Variants in UGGT2 observed in about 807,000 individuals in gnomAD.
The protein encoded by UGGT2 is UDP-glucose:glycoprotein glucosyltransferase 2.
A neutral mutation model predicts 192.1 loss-of-function variants in UGGT2; 180 were observed. The observed-to-expected ratio is 0.94, with a 90% CI of 0.83 to 1.06. The LOEUF (loss-of-function observed/expected upper bound fraction) is 1.06, where lower values mean the gene tolerates loss of function less well. Among genes scored for constraint, UGGT2 ranks in the 50% least tolerant of loss-of-function variants. UGGT2 has a pLI of 0.00. For synonymous variants in UGGT2, 580 were observed against 591.0 expected, an observed-to-expected ratio of 0.98 and a Z score of 0.27; for missense variants, 1,849 against 1,795.7, an observed-to-expected ratio of 1.03 and a Z score of -0.54.
chr13:95,971,117 TG>T (rs540087902), intron 11 of UGGT2, among the ~76,000 whole-genome samples: 10 of 152,294 alleles, frequency 6.6e-5, no homozygotes, highest in African/African-American at 1.7e-4. Context: ...GGGCCATGTA[TG>T]GGGCATGTTA....
Position 95,936,954 on chromosome 13 carries a change from T to C in UGGT2, c.1947A>G (p.Ala649=), listed in dbSNP as rs780779482. The C allele has an allele frequency of 1.3e-6, 2 of 1,589,402 alleles. No homozygotes were observed. The highest frequency in any genetic ancestry group is 1.7e-6 in the Non-Finnish European group (2 of 1,174,014). ...AAACTTCTCTTTGTAAATATACAGA[T>C]GCATCCATCATTCTTTGAAGAACAG... ...KMAVLQRMMD[A]SVYLQREVFL... Residue 649 remains alanine (A), a synonymous_variant, in exon 17 of 39, where the codon GCA becomes GCG. Coordinates refer to ENST00000376747, the MANE Select transcript of UGGT2 (RefSeq NM_020121.4).
At chr13:96,027,675 G>C (rs1484108828) in intron 2 of UGGT2, among the ~76,000 whole-genome samples, 1 of 152,128 alleles carries the variant, frequency 6.6e-6, no homozygotes, top group Non-Finnish European at 1.5e-5. Flanking sequence ...GACATTTTGG[G>C]GGTGGTTGGA....
At chr13:96,019,988 T>C (rs1013281735) in intron 4 of UGGT2, among the ~76,000 whole-genome samples, 1 of 152,216 alleles carries the variant, frequency 6.6e-6, no homozygotes, top group Non-Finnish European at 1.5e-5. Context: ...GAGGGCCCTT[T>C]TGAGCCAGTG....
intron 1 of UGGT2, among the ~76,000 whole-genome samples, chr13:96,050,492 A>T (rs1233793375): frequency 6.6e-6 from 1 of 152,218 alleles, no homozygotes; most frequent in Non-Finnish European, 1.5e-5. Flanking sequence ...GATCTAATTA[A>T]AGTAAAGAGC....
intron 17 of UGGT2, among the ~76,000 whole-genome samples, chr13:95,929,087 G>A (rs1360292887): frequency 1.3e-5 from 2 of 152,174 alleles, no homozygotes; most frequent in African/African-American, 2.4e-5. Context: ...CCAGGCACTA[G>A]GCAGGCTGAG....
intron 24 of UGGT2, among the ~76,000 whole-genome samples, chr13:95,892,642 T>C (rs2047834155): frequency 6.6e-6 from 1 of 152,188 alleles, no homozygotes; most frequent in Non-Finnish European, 1.5e-5. Flanking sequence ...AACCTATCTA[T>C]AAAATAGGTC....
intron 12 of UGGT2, among the ~76,000 whole-genome samples, chr13:95,952,434 T>G (rs1159711929): frequency 6.6e-6 from 1 of 152,192 alleles, no homozygotes; most frequent in Non-Finnish European, 1.5e-5. Context: ...AGTATTTGCA[T>G]AGAACCTACT....
intron 29 of UGGT2, among the ~76,000 whole-genome samples, chr13:95,869,443 G>A (rs1038015552): frequency 6.6e-6 from 1 of 152,112 alleles, no homozygotes; most frequent in South Asian, 2.1e-4. Context: ...TCTAGTTCTA[G>A]ATCCCTCAGG....
intron 24 of UGGT2, among the ~76,000 whole-genome samples, chr13:95,891,340 TTAAC>T (rs2047795444): frequency 1.3e-5 from 2 of 152,122 alleles, no homozygotes; most frequent in African/African-American, 4.8e-5. Context: ...GAGAATAAAA[TTAAC>T]TATTCATACT....
At chr13:95,906,650 A>G (rs1421759415) in intron 20 of UGGT2, among the ~76,000 whole-genome samples, 1 of 152,274 alleles carries the variant, frequency 6.6e-6, no homozygotes, top group African/African-American at 2.4e-5. Flanking sequence ...ATGTAAAGAT[A>G]TCCACAGCCA....
At chr13:95,818,919 A>G (rs901011486) in intron 38 of UGGT2, among the ~76,000 whole-genome samples, 1 of 152,216 alleles carries the variant, frequency 6.6e-6, no homozygotes, top group Non-Finnish European at 1.5e-5. Flanking sequence ...CCACAGCAGC[A>G]GTAGAGAAAA....
rs527395709 is a variant in UGGT2 at position 95,906,876 on chromosome 13, G to C, written c.2296-3816C>G. ...CCCAGTGTGACCGATGCAGCAGATG[G>C]GTGATTCCTGCATTTCCAGCTCAGG... is the stretch of plus-strand genomic sequence containing the variant. On this transcript the variant is annotated intron_variant, in intron 20 of 38. Coordinates refer to ENST00000376747, the MANE Select transcript of UGGT2 (RefSeq NM_020121.4). 1.4e-4 allele frequency among the ~76,000 whole-genome samples: 22 copies of C among 152,266 alleles called. No individual in the cohort carries two copies. In the East Asian group the frequency reaches 4.1e-3, roughly 28 times the overall value.
In UGGT2 at chr13:96,026,833, G is replaced by A. The variant is rs1476881803; in HGVS notation, c.242-3074C>T. Among the ~76,000 whole-genome samples the A allele has an allele frequency of 5.3e-5, 8 of 151,782 alleles. No individual in the cohort carries two copies. In the East Asian group the frequency reaches 1.2e-3, roughly 22 times the overall value. On this transcript the variant is annotated intron_variant, in intron 2 of 38. Transcript: ENST00000376747. ...ACTACAGGCGCCCTCCACCGCGCCC[G>A]GCTAATTTTTTGTATTTTTAGTAGA...
At chr13:95,968,362 T>C (rs1346039142) in intron 12 of UGGT2, among the ~76,000 whole-genome samples, 1 of 152,198 alleles carries the variant, frequency 6.6e-6, no homozygotes, top group Non-Finnish European at 1.5e-5. Context: ...AGTATACGAA[T>C]GGATTAATAG....
rs994837771 is a variant in UGGT2, at chr13:95,832,987, C to A, written c.4468G>T (p.Glu1490Ter). The A allele has an allele frequency of 6.2e-6, 10 of 1,612,900 alleles. No homozygotes were observed. The change falls in exon 38 of 39, where the codon GAG becomes TAG. Residue 1490 changes from glutamate (E) to a stop codon, truncating the protein, a stop_gained. Coordinates refer to ENST00000376747, the MANE Select transcript of UGGT2 (RefSeq NM_020121.4). LOFTEE classifies it high-confidence loss of function. ...AGTTGTCTTATCTCAGCATCATACTCCACCCATTCTGGGACAATTCTGGCA... is the reference window on the plus strand; with the variant it reads ...AGTTGTCTTATCTCAGCATCATACTACACCCATTCTGGGACAATTCTGGCA... ...AAARIVPEWV[E>*]YDAEIRQLLD...
At chr13:95,933,450 C>T (rs1342203500) in intron 17 of UGGT2, among the ~76,000 whole-genome samples, 1 of 152,098 alleles carries the variant, frequency 6.6e-6, no homozygotes, top group African/African-American at 2.4e-5. Flanking sequence ...GATCGTTTCT[C>T]CTTTTTCTGT....
chr13:95,866,531 G>A (rs1489625782), intron 30 of UGGT2, among the ~76,000 whole-genome samples: 1 of 152,160 alleles, frequency 6.6e-6, no homozygotes, highest in Non-Finnish European at 1.5e-5. Flanking sequence ...ACCAATTCAA[G>A]GTTCAGGATT....
chr13:95,852,332 T>C (rs1889133767), intron 36 of UGGT2, among the ~76,000 whole-genome samples: 1 of 152,184 alleles, frequency 6.6e-6, no homozygotes, highest in Admixed American at 6.5e-5. Context: ...AGATACTCTC[T>C]TTGGCCTGCA....
At chr13:95,990,133 C>T in intron 7 of UGGT2, 60 bp from the exon 8 acceptor site, 1 of 1,073,932 alleles carries the variant, frequency 9.3e-7, no homozygotes. Flanking sequence ...ATTATACAAA[C>T]AGCATATTTT....
Sources: allele counts gnomAD v4.1 joint callset (sites outside exome capture counted in the v4.1 genomes callset), GRCh38; gene constraint gnomAD v4.1.1; transcripts MANE v1.5; gene names NCBI Gene and HGNC (gene_info 2026-07-23, HGNC 2026-07-21).